Variants in TYW1 observed in about 807,000 individuals in gnomAD.
TYW1 encodes tRNA-yW synthesizing protein 1 homolog.
Under a neutral mutation model 96.2 loss-of-function variants are expected in TYW1, and 46 were observed. The ratio of observed to expected loss-of-function variants is 0.48; its 90% CI spans 0.38 to 0.61. The LOEUF (loss-of-function observed/expected upper bound fraction) is 0.61. Ranked by LOEUF, TYW1 falls within the 20% of genes least tolerant of loss-of-function variation. The probability of loss-of-function intolerance (pLI) is 0.00; values close to 1 mark genes in which losing one functional copy is unlikely to be tolerated. For synonymous variants in TYW1, 274 were observed against 323.0 expected, an observed-to-expected ratio of 0.85 and a Z score of 1.63; for missense variants, 684 against 909.6, an observed-to-expected ratio of 0.75 and a Z score of 3.19.
chr7:67,147,730 A>G (rs544052019), intron 13 of TYW1, among the ~76,000 whole-genome samples: 23 of 152,168 alleles, frequency 1.5e-4, no homozygotes, highest in African/African-American at 5.5e-4. Flanking sequence ...TCCAGCTCCA[A>G]CCATGTCCCT....
At chr7:67,081,488 C>T (rs1796391895) in intron 10 of TYW1, among the ~76,000 whole-genome samples, 1 of 150,042 alleles carries the variant, frequency 6.7e-6, no homozygotes, top group African/African-American at 2.5e-5. Flanking sequence ...GTCCATATCT[C>T]TCCCCAAATG....
chr7:67,143,702 T>TA (rs985880230), intron 13 of TYW1, among the ~76,000 whole-genome samples: 4 of 152,196 alleles, frequency 2.6e-5, no homozygotes, highest in African/African-American at 9.7e-5. Flanking sequence ...GCCTTCATGT[T>TA]AAAAAACAAA....
At chr7:67,149,896 T>C (rs62464965) in intron 13 of TYW1, among the ~76,000 whole-genome samples, 7 of 152,034 alleles carry the variant, frequency 4.6e-5, no homozygotes, top group Non-Finnish European at 1.0e-4. Context: ...CACTTCATTT[T>C]ATTTTTGTTC....
intron 13 of TYW1, among the ~76,000 whole-genome samples, chr7:67,180,362 C>T (rs1799795862): frequency 1.1e-5 from 1 of 93,304 alleles, no homozygotes; most frequent in Admixed American, 1.1e-4. Context: ...TAACTCACTA[C>T]CGTATCCTTG....
chr7:67,146,144 A>G (rs1319493500), intron 13 of TYW1, among the ~76,000 whole-genome samples: 1 of 152,140 alleles, frequency 6.6e-6, no homozygotes, highest in Non-Finnish European at 1.5e-5. Context: ...TAATCATACT[A>G]TGTGCATAAC....
intron 7 of TYW1, among the ~76,000 whole-genome samples, chr7:67,038,055 C>G (rs183691932): frequency 3.5e-4 from 54 of 152,306 alleles, no homozygotes; most frequent in Non-Finnish European, 5.7e-4. Flanking sequence ...CATCCCAGTA[C>G]TTTGGGAGGC....
chr7:67,133,382 A>T (rs1319900711), intron 13 of TYW1, among the ~76,000 whole-genome samples: 2 of 151,962 alleles, frequency 1.3e-5, no homozygotes, highest in Non-Finnish European at 2.9e-5. Flanking sequence ...GCCTCAAGTG[A>T]TCCTCCTACC....
intron 7 of TYW1, among the ~76,000 whole-genome samples, chr7:67,040,499 T>G (rs1261721450): frequency 1.3e-5 from 2 of 152,044 alleles, no homozygotes; most frequent in African/African-American, 4.8e-5. Context: ...ATGATGCATG[T>G]GATAGCTGAT....
intron 13 of TYW1, among the ~76,000 whole-genome samples, chr7:67,180,617 A>C (rs111286852): frequency 7.3e-5 from 11 of 149,942 alleles, no homozygotes; most frequent in African/African-American, 2.7e-4. Context: ...CTGTTAGTCC[A>C]ACTAAATAGA....
At chr7:67,226,593 ACT>A (rs1801566328) in intron 15 of TYW1, among the ~76,000 whole-genome samples, 1 of 151,428 alleles carries the variant, frequency 6.6e-6, no homozygotes, top group South Asian at 2.1e-4. Context: ...GTCCTTAAAA[ACT>A]CTGCTGCTTG....
chr7:67,210,919 A>ACCATCCATCCATCCATCCAT (rs57804156), intron 15 of TYW1, among the ~76,000 whole-genome samples: 14 of 130,268 alleles, frequency 1.1e-4, no homozygotes, highest in African/African-American at 2.9e-4. Context: ...CATCTATCCA[A>ACCATCCATCCATCCATCCAT]CCATCCATCC....
intron 15 of TYW1, among the ~76,000 whole-genome samples, chr7:67,213,342 T>C (rs1221449630): frequency 6.6e-6 from 1 of 152,216 alleles, no homozygotes; most frequent in East Asian, 1.9e-4. Context: ...TTATTTTTAG[T>C]TGAGACGGGG....
intron 13 of TYW1, among the ~76,000 whole-genome samples, chr7:67,154,475 A>T (rs1421202304): frequency 9.0e-6 from 1 of 111,042 alleles, no homozygotes. Flanking sequence ...GCTGGATTTG[A>T]TAAGCAGTTT....
chr7:67,225,701 G>T (rs1159209426), intron 15 of TYW1, among the ~76,000 whole-genome samples: 1 of 150,550 alleles, frequency 6.6e-6, no homozygotes, highest in Non-Finnish European at 1.5e-5. Context: ...GAGGAAATTG[G>T]CATTTTGGTA....
chr7:67,139,315 G>A (rs1296224343), intron 13 of TYW1, among the ~76,000 whole-genome samples: 1 of 152,236 alleles, frequency 6.6e-6, no homozygotes, highest in Non-Finnish European at 1.5e-5. Context: ...GCCTCCCAAA[G>A]TGCTGGGATT....
intron 15 of TYW1, among the ~76,000 whole-genome samples, chr7:67,205,576 C>A (rs1220078901): frequency 6.6e-6 from 1 of 151,814 alleles, no homozygotes; most frequent in Non-Finnish European, 1.5e-5. Flanking sequence ...ATTCCCCGCT[C>A]ACCTTCTCTG....
chr7:67,153,925 C>A (rs201163675), intron 13 of TYW1, among the ~76,000 whole-genome samples: 1 of 130,314 alleles, frequency 7.7e-6, no homozygotes, highest in Non-Finnish European at 1.6e-5. Flanking sequence ...TAACGACTTT[C>A]TTTTTTTTTT....
chr7:67,227,319 C>T (rs145293111), intron 15 of TYW1, among the ~76,000 whole-genome samples: 4,526 of 152,182 alleles, frequency 0.03, 286 homozygotes, highest in East Asian at 0.18. Context: ...TGCAGTGGCA[C>T]GATCTCTGCT....
intron 13 of TYW1, among the ~76,000 whole-genome samples, chr7:67,129,878 TTAATCCAGTTGGGATA>T (rs1219827611): frequency 2.0e-5 from 3 of 152,218 alleles, no homozygotes; most frequent in African/African-American, 7.2e-5. Context: ...TCTCAACTCT[TTAATCCAGTTGGGATA>T]TAACTTAGCA....
Sources: gnomAD v4.1 joint callset for allele counts (sites outside exome capture counted in the v4.1 genomes callset) on GRCh38, gnomAD v4.1.1 for gene constraint, MANE v1.5 for transcripts, NCBI Gene and HGNC (gene_info 2026-07-23, HGNC 2026-07-21) for gene names.